Variants in SEZ6L2 observed in about 807,000 individuals in gnomAD.
SEZ6L2 encodes seizure 6-like protein 2.
A neutral mutation model predicts 97.0 loss-of-function variants in SEZ6L2; 44 were observed. The observed-to-expected ratio is 0.45, with a 90% CI of 0.36 to 0.58. The LOEUF is 0.58. SEZ6L2 is among the 20% of genes least tolerant of loss of function. SEZ6L2 has a pLI of 0.00. For missense variants in SEZ6L2, 1,086 were observed against 1,233.3 expected (o/e 0.88, Z 1.79); for synonymous variants, 543 against 546.1 (o/e 0.99, Z 0.08).
At chr16:29,888,485 C>T in intron 6 of SEZ6L2, 55 bp downstream of exon 6, 2 of 1,569,750 alleles carry the variant, frequency 1.3e-6, no homozygotes. Flanking sequence ...GAGATAGGAC[C>T]CTCCCAATGG....
chr16:29,889,610 A>ACTT (rs375792019), intron 5 of SEZ6L2, among the ~76,000 whole-genome samples: 1 of 126,542 alleles, frequency 7.9e-6, no homozygotes. Flanking sequence ...ACCACTTGAA[A>ACTT]CTTCTTTTTT....
At chr16:29,889,614 C>CTTTTTTTTTTTTT (rs869108927) in intron 5 of SEZ6L2, among the ~76,000 whole-genome samples, 1 of 70,524 alleles carries the variant, frequency 1.4e-5, no homozygotes, top group Admixed American at 2.1e-4. Flanking sequence ...CTTGAAACTT[C>CTTTTTTTTTTTTT]TTTTTTTTTT....
In SEZ6L2 at chr16:29,899,068, C is replaced by T; in HGVS notation, c.-49G>A. The T allele has an allele frequency of 7.8e-7, 1 of 1,288,388 alleles. No individual in the cohort carries two copies. Among genetic ancestry groups the T allele is most frequent in the Non-Finnish European group, 1.1e-6 (1 of 909,966 alleles). 79.8% of individuals were successfully genotyped at this position (1,288,388 alleles called of 1,614,324 possible). A position where few individuals can be genotyped will look rare whatever the true frequency, so the allele number is the denominator to read the frequency against. ...CTCTGTGCCTCTCTAAGTAATCTGG[C>T]TGCCACCTTTCCTCCGTCTCCGTTT... On this transcript the variant is annotated 5_prime_UTR_variant, in exon 1 of 18. Coordinates refer to ENST00000617533, the MANE Select transcript of SEZ6L2 (RefSeq NM_001243332.2).
intron 5 of SEZ6L2, among the ~76,000 whole-genome samples, chr16:29,889,080 C>CAGAT (rs112799498): frequency 0.4 from 60,791 of 151,650 alleles, 13,258 homozygotes; most frequent in African/African-American, 0.59. Context: ...GCTGTAATAA[C>CAGAT]AGTATTTGCA....
chr16:29,873,793 G>C lies in SEZ6L2; in HGVS notation c.2105-64C>G, dbSNP rs1337019898. The C allele has an allele frequency of 7.1e-7, 1 of 1,417,582 alleles. No individual in the cohort carries two copies. The highest frequency in any genetic ancestry group is 9.5e-7 in the Non-Finnish European group (1 of 1,056,452). 87.8% of individuals were successfully genotyped at this position (1,417,582 alleles called of 1,614,324 possible). On this transcript the variant is annotated intron_variant, in intron 12 of 17. Coordinates refer to ENST00000617533, the MANE Select transcript of SEZ6L2 (RefSeq NM_001243332.2). This position sits in a 1 kb window ranked among gnomAD's most constrained non-coding sequence, Gnocchi z 4.3. ...TTCAAAGATCAGCCTGGGCAACACA[G>C]AGAGACCCCATCTCTACAAAAAATT...
intron 9 of SEZ6L2, among the ~76,000 whole-genome samples, chr16:29,878,634 G>A (rs938052295): frequency 2.0e-5 from 3 of 151,566 alleles, no homozygotes; most frequent in Admixed American, 6.6e-5. Context: ...GCCCAGGCTG[G>A]AGTGCAGTGG....
At chr16:29,878,214 C>T in intron 10 of SEZ6L2, 73 bp downstream of exon 10, 1 of 1,460,724 alleles carries the variant, frequency 6.8e-7, no homozygotes, top group Non-Finnish European at 9.1e-7. Context: ...GCTCAGAATG[C>T]AGGCTACTGC....
At chr16:29,881,243 T>C (rs1439494322) in intron 8 of SEZ6L2, among the ~76,000 whole-genome samples, 2 of 152,154 alleles carry the variant, frequency 1.3e-5, no homozygotes, top group African/African-American at 2.4e-5. Context: ...CGGAGGTCCA[T>C]AGACCAAAAA....
In SEZ6L2 at chr16:29,899,045, C is replaced by T; in HGVS notation, c.-26G>A. On this transcript the variant is annotated 5_prime_UTR_variant, in exon 1 of 18. Coordinates refer to ENST00000617533, the MANE Select transcript of SEZ6L2 (RefSeq NM_001243332.2). ...GGCGACTCACCCCGATCTCTCTCCT[C>T]TGTGCCTCTCTAAGTAATCTGGCTG... 6.4e-7 allele frequency: 1 copy of T among 1,565,564 alleles called. No homozygotes were observed.
intron 12 of SEZ6L2, among the ~76,000 whole-genome samples, chr16:29,875,454 G>A (rs1374524343): frequency 1.3e-5 from 2 of 152,122 alleles, no homozygotes. Flanking sequence ...ATCCAGGCCT[G>A]ATATCCTGTG....
rs1596999259 is a variant in SEZ6L2 at position 29,899,309 on chromosome 16, C to T, written c.-290G>A. ...CTGCAGGGGGTGGGGCCGAGAGGGC[C>T]GAAGGGGCCGGGTGGCCTGGGTTAC... On this transcript the variant is annotated 5_prime_UTR_variant, in exon 1 of 18. Transcript: ENST00000617533. 4 of 404,882 alleles carry T rather than the reference C, an allele frequency of 9.9e-6. No individual in the cohort carries two copies. The East Asian group carries it at 2.4e-4, about 24-fold the overall frequency. The allele number at this position is 404,882 out of a possible 1,614,324, so 25.1% of individuals were successfully genotyped here. A position where few individuals can be genotyped will look rare whatever the true frequency, so the allele number is the denominator to read the frequency against.
Position 29,871,372 on chromosome 16 carries a change from C to A in SEZ6L2, c.*327G>T. The A allele has an allele frequency of 2.2e-6, 1 of 456,648 alleles. No individual in the cohort carries two copies. The highest frequency in any genetic ancestry group is 4.0e-6 in the Non-Finnish European group (1 of 246,974). 28.3% of individuals were successfully genotyped at this position (456,648 alleles called of 1,614,324 possible). A position where few individuals can be genotyped will look rare whatever the true frequency, so the allele number is the denominator to read the frequency against. On this transcript the variant is annotated 3_prime_UTR_variant, in exon 18 of 18. Coordinates refer to ENST00000617533, the MANE Select transcript of SEZ6L2 (RefSeq NM_001243332.2). ...GTGGCCAAGGGAACAGTAGAGCTAT[C>A]GGGGGCAGTCCTTGAGGGGTGCCCT...
chr16:29,897,997 G>T lies in SEZ6L2; in HGVS notation c.80-13C>A. 6.2e-7 allele frequency: 1 copy of T among 1,612,480 alleles called. No homozygotes were observed. Among genetic ancestry groups the T allele is most frequent in the Non-Finnish European group, 8.5e-7 (1 of 1,179,244 alleles). On this transcript the variant is annotated splice_polypyrimidine_tract_variant and intron_variant, in intron 1 of 17. Transcript: ENST00000617533. ...TTCAGGGGCAGACCTAGGAGGTGAA[G>T]TTGTGTGAGCTTCTCCACTTCCCCA... is the stretch of plus-strand genomic sequence containing the variant.
chr16:29,882,004 T>C (rs1022200170), intron 8 of SEZ6L2, among the ~76,000 whole-genome samples: 1 of 142,648 alleles, frequency 7.0e-6, no homozygotes, highest in Non-Finnish European at 1.5e-5. Context: ...TGAGTCTCGC[T>C]CTGTCGCCCA....
chr16:29,877,503 G>T (rs963126919), intron 10 of SEZ6L2, 36 bp from the exon 11 acceptor site: 1 of 1,534,676 alleles, frequency 6.5e-7, no homozygotes. Flanking sequence ...GGGCGGGGCT[G>T]CGACTGGCCC....
rs1301568069 is a variant in SEZ6L2, at chr16:29,899,223, C to A, written c.-204G>T. On this transcript the variant is annotated 5_prime_UTR_variant, in exon 1 of 18. The change creates a new upstream start codon in the 5' untranslated region. Transcript: ENST00000617533. ...TAGGGGTCGCCTGGAGCCCACCCCC[C>A]TTTGCTCAGTCTCCTCTGTCCTCTT... is the stretch of plus-strand genomic sequence containing the variant. The A allele has an allele frequency of 3.5e-6, 2 of 569,244 alleles. No individual in the cohort carries two copies. Among genetic ancestry groups the A allele is most frequent in the East Asian group, 3.1e-5 (1 of 31,998 alleles). 35.3% of individuals were successfully genotyped at this position (569,244 alleles called of 1,614,324 possible).
chr16:29,899,192 T>C lies in SEZ6L2; in HGVS notation c.-173A>G. ...TGCCCCTTGGGATGGAGGGGCAGAA[T>C]TGGGCTAGGGGTCGCCTGGAGCCCA... On this transcript the variant is annotated 5_prime_UTR_variant, in exon 1 of 18. Coordinates refer to ENST00000617533, the MANE Select transcript of SEZ6L2 (RefSeq NM_001243332.2). 5 of 587,078 alleles carry C rather than the reference T, an allele frequency of 8.5e-6. No homozygotes were observed. The South Asian group carries it at 9.3e-5, about 11-fold the overall frequency. The allele number at this position is 587,078 out of a possible 1,614,324, so 36.4% of individuals were successfully genotyped here. A position where few individuals can be genotyped will look rare whatever the true frequency, so the allele number is the denominator to read the frequency against.
In SEZ6L2 at chr16:29,898,994, G is replaced by A. The variant is rs541769444; in HGVS notation, c.26C>T (p.Pro9Leu). 1.3e-5 allele frequency: 21 copies of A among 1,611,412 alleles called. No homozygotes were observed. The highest frequency in any genetic ancestry group is 2.2e-5 in the South Asian group (2 of 90,960). Reference sequence around the variant, plus strand: ...TAGGAACAGCAGCTGGGGAGGCGGCGGGTGCTGGGCCCTGGGAGTCCCCAT... The same window carrying A: ...TAGGAACAGCAGCTGGGGAGGCGGCAGGTGCTGGGCCCTGGGAGTCCCCAT... The part of the protein sequence containing the change: MGTPRAQH[P>L]PPPQLLFLIL... The change falls in exon 1 of 18, where the codon CCG (proline) becomes CTG (leucine). Residue 9 changes from proline to leucine, a missense_variant. Transcript: ENST00000617533.
chr16:29,875,661 C>CTTT (rs149293940), intron 12 of SEZ6L2, among the ~76,000 whole-genome samples: 6,568 of 112,416 alleles, frequency 0.058, 848 homozygotes, highest in East Asian at 0.22. Flanking sequence ...TTCTTTCTTT[C>CTTT]TTTCTTTTTT....
Sources: allele counts gnomAD v4.1 joint callset (sites outside exome capture counted in the v4.1 genomes callset), GRCh38; gene constraint gnomAD v4.1.1; non-coding constraint Gnocchi (gnomAD v3.1); transcripts MANE v1.5; gene names NCBI Gene and HGNC (gene_info 2026-07-23, HGNC 2026-07-21).